Variants in RBFOX3 observed in about 807,000 individuals in gnomAD.
The protein encoded by RBFOX3 is RNA binding protein fox-1 homolog 3.
In RBFOX3, 17 loss-of-function variants were observed where a neutral mutation model predicts 48.7. The observed-to-expected ratio is 0.35, with a 90% CI of 0.24 to 0.52. The LOEUF is 0.52. Ranked by LOEUF, RBFOX3 falls within the 20% of genes least tolerant of loss-of-function variation. The pLI is 0.94. For synonymous variants in RBFOX3, 212 were observed against 209.5 expected, an observed-to-expected ratio of 1.01 and a Z score of -0.10; for missense variants, 382 against 497.5, an observed-to-expected ratio of 0.77 and a Z score of 2.21.
intron 5 of RBFOX3, among the ~76,000 whole-genome samples, chr17:79,109,554 T>G (rs1203007106): frequency 6.6e-6 from 1 of 152,234 alleles, no homozygotes; most frequent in Admixed American, 6.5e-5. Flanking sequence ...GGGGACGACC[T>G]TACCCCTGAA....
intron 3 of RBFOX3, among the ~76,000 whole-genome samples, chr17:79,292,194 CAGG>C (rs747006251): frequency 2.0e-5 from 3 of 152,098 alleles, no homozygotes; most frequent in Middle Eastern, 3.2e-3. Context: ...TGCCTGGTGC[CAGG>C]ACACTTCACA....
chr17:79,414,359 C>T (rs895341525), intron 2 of RBFOX3, among the ~76,000 whole-genome samples: 1 of 152,186 alleles, frequency 6.6e-6, no homozygotes, highest in African/African-American at 2.4e-5. Flanking sequence ...TCCTTCACAC[C>T]ACATTATTAT....
chr17:79,633,823 G>A, the RBFOX3 span, among the ~76,000 whole-genome samples: 8 of 152,098 alleles, frequency 5.3e-5, no homozygotes, highest in Admixed American at 1.3e-4. Flanking sequence ...TAAGAGCCCC[G>A]TGTCCTGATG....
intron 1 of RBFOX3, among the ~76,000 whole-genome samples, chr17:79,487,530 TCGTG>T (rs2079813090): frequency 6.6e-6 from 1 of 152,188 alleles, no homozygotes. Flanking sequence ...TTGCTCACTA[TCGTG>T]CCCCAGCGCC....
At chr17:79,626,833 CG>C in the RBFOX3 span, among the ~76,000 whole-genome samples, 1 of 152,188 alleles carries the variant, frequency 6.6e-6, no homozygotes, top group Non-Finnish European at 1.5e-5. Context: ...GGTGACCTCC[CG>C]GGGCTCAGCC....
intron 2 of RBFOX3, among the ~76,000 whole-genome samples, chr17:79,406,601 G>A (rs938923863): frequency 8.5e-5 from 13 of 152,160 alleles, no homozygotes; most frequent in African/African-American, 1.9e-4. Context: ...ATTAACAAAC[G>A]GTGCCCTCCA....
chr17:79,431,696 G>C (rs1384992614), intron 2 of RBFOX3, among the ~76,000 whole-genome samples: 2 of 152,122 alleles, frequency 1.3e-5, no homozygotes, highest in East Asian at 3.8e-4. Flanking sequence ...TGTTGGCCAG[G>C]CTGGTCTCGA....
Position 79,535,656 on chromosome 17 carries a change from A to T in RBFOX3, c.-319-53058T>A, listed in dbSNP as rs551550343. Among the ~76,000 whole-genome samples the T allele has an allele frequency of 6.6e-6, 1 of 152,274 alleles. No individual in the cohort carries two copies. The highest frequency in any genetic ancestry group is 1.9e-4 in the East Asian group (1 of 5,178). On this transcript the variant is annotated intron_variant, in intron 1 of 14. Coordinates refer to ENST00000693108, the MANE Select transcript of RBFOX3 (RefSeq NM_001350451.2). This position sits in a 1 kb window ranked among gnomAD's most constrained non-coding sequence, Gnocchi z 4.5. ...GACAAGGCAGGATAGCCAGCCCACAAAGACACAGTATGCGCAGCCAGGCAA... is the reference window on the plus strand; with the variant it reads ...GACAAGGCAGGATAGCCAGCCCACATAGACACAGTATGCGCAGCCAGGCAA...
chr17:79,339,371 G>A (rs1181746459), intron 2 of RBFOX3, among the ~76,000 whole-genome samples: 4 of 152,214 alleles, frequency 2.6e-5, no homozygotes, highest in South Asian at 4.1e-4. Flanking sequence ...TCTTAGTCGC[G>A]CTGAAGCTTG....
intron 1 of RBFOX3, among the ~76,000 whole-genome samples, chr17:79,561,395 C>T (rs1711853150): frequency 6.6e-6 from 1 of 152,134 alleles, no homozygotes; most frequent in African/African-American, 2.4e-5. Flanking sequence ...CTAGACCTCC[C>T]TCTGCTCCAG....
At position 79,204,352 on chromosome 17, in the gene RBFOX3, G is replaced by A. The variant is rs2146931552; in HGVS notation, c.-34+31414C>T. 6.6e-6 allele frequency among the ~76,000 whole-genome samples: 1 copy of A among 152,304 alleles called. No individual in the cohort carries two copies. The highest frequency in any genetic ancestry group is 1.9e-4 in the East Asian group (1 of 5,172). ...GGGTGCCGGGGAGCAGGGGGCGTAGGTGGGGTTGGGGCAGAATGTAAGTCT... is the reference window on the plus strand; with the variant it reads ...GGGTGCCGGGGAGCAGGGGGCGTAGATGGGGTTGGGGCAGAATGTAAGTCT... On this transcript the variant is annotated intron_variant, in intron 4 of 14. Coordinates refer to ENST00000693108, the MANE Select transcript of RBFOX3 (RefSeq NM_001350451.2). This position sits in a 1 kb window ranked among gnomAD's most constrained non-coding sequence, Gnocchi z 4.5.
chr17:79,662,102 G>A, the RBFOX3 span, among the ~76,000 whole-genome samples: 1 of 138,258 alleles, frequency 7.2e-6, no homozygotes, highest in Non-Finnish European at 1.6e-5. Flanking sequence ...TTGATACAGT[G>A]TGAGGTAGGG....
At chr17:79,595,227 C>T (rs2093537077) in intron 1 of RBFOX3, among the ~76,000 whole-genome samples, 1 of 152,110 alleles carries the variant, frequency 6.6e-6, no homozygotes, top group South Asian at 2.1e-4. Context: ...GTCAAGCTTG[C>T]CAGAAAGAAA....
intron 14 of RBFOX3, 108 bp from the exon 15 acceptor site, chr17:79,090,993 G>T: frequency 9.1e-7 from 1 of 1,104,928 alleles, no homozygotes; most frequent in Non-Finnish European, 1.3e-6. Context: ...AAGTCCTGGC[G>T]CCGCCACACC....
chr17:79,488,206 C>T (rs945646819), intron 1 of RBFOX3, among the ~76,000 whole-genome samples: 1 of 152,204 alleles, frequency 6.6e-6, no homozygotes, highest in Non-Finnish European at 1.5e-5. Flanking sequence ...ACTTGGACTT[C>T]AGCATGCAAG....
At position 79,205,838 on chromosome 17, in the gene RBFOX3, CTT is replaced by C. The variant is rs11285839; in HGVS notation, c.-34+29926_-34+29927del. Among the ~76,000 whole-genome samples, 41,878 of 146,246 alleles carry C rather than the reference CTT, an allele frequency of 0.29. 5,785 individuals are homozygous for C. The highest frequency in any genetic ancestry group is 0.37 in the Admixed American group (5,431 of 14,850). ...TCCATAAAGAGTCAAAAGCAGTTGG[CTT>C]TTTTTTTTTTTTTCCTTAAAGTAGT... On this transcript the variant is annotated intron_variant, in intron 4 of 14. Coordinates refer to ENST00000693108, the MANE Select transcript of RBFOX3 (RefSeq NM_001350451.2). The surrounding 1 kb of genome is among the most constrained non-coding windows in gnomAD (Gnocchi z 4.5).
intron 2 of RBFOX3, among the ~76,000 whole-genome samples, chr17:79,329,914 G>A (rs933341071): frequency 7.2e-5 from 11 of 152,074 alleles, no homozygotes; most frequent in South Asian, 2.1e-4. Context: ...CTGACCTCTC[G>A]TGCTGATCTG....
At chr17:79,396,442 A>G (rs1301798477) in intron 2 of RBFOX3, among the ~76,000 whole-genome samples, 1 of 152,208 alleles carries the variant, frequency 6.6e-6, no homozygotes, top group East Asian at 1.9e-4. Context: ...ACTCCCTGAA[A>G]TAAACCTCTG....
At chr17:79,400,331 C>T (rs2062631895) in intron 2 of RBFOX3, among the ~76,000 whole-genome samples, 1 of 152,168 alleles carries the variant, frequency 6.6e-6, no homozygotes, top group Non-Finnish European at 1.5e-5. Flanking sequence ...CGAGGGGCTC[C>T]CGGGCTTGTA....
Sources: gnomAD v4.1 joint callset for allele counts (sites outside exome capture counted in the v4.1 genomes callset) on GRCh38, gnomAD v4.1.1 for gene constraint, Gnocchi (gnomAD v3.1) non-coding constraint, MANE v1.5 for transcripts, NCBI Gene and HGNC (gene_info 2026-07-23, HGNC 2026-07-21) for gene names.